Variants in GPSM2 observed in about 807,000 individuals in gnomAD.
The protein encoded by GPSM2 is G protein-signaling modulator 2.
In GPSM2, 58 loss-of-function variants were observed where a neutral mutation model predicts 78.4. The observed-to-expected ratio is 0.74, with a 90% CI of 0.60 to 0.92. The LOEUF is 0.92. Among genes scored for constraint, GPSM2 ranks in the 40% least tolerant of loss-of-function variants. The pLI is 0.00. For synonymous variants in GPSM2, 224 were observed against 280.2 expected, an observed-to-expected ratio of 0.80 and a Z score of 2.00; for missense variants, 700 against 815.5, an observed-to-expected ratio of 0.86 and a Z score of 1.73.
In GPSM2 at chr1:108,931,282, T is replaced by C; in HGVS notation, c.*1342T>C. On this transcript the variant is annotated 3_prime_UTR_variant, in exon 15 of 15. Transcript: ENST00000264126. ...AGAAAGATGTCAGCTAGAACCTTAGTTGTCATTAAGCTTTGTCTTCCTTAT... is the reference window on the plus strand; with the variant it reads ...AGAAAGATGTCAGCTAGAACCTTAGCTGTCATTAAGCTTTGTCTTCCTTAT... The C allele has an allele frequency of 6.6e-7, 1 of 1,511,172 alleles. No individual in the cohort carries two copies. Among genetic ancestry groups the C allele is most frequent in the Non-Finnish European group, 8.9e-7 (1 of 1,127,944 alleles). 93.6% of individuals were successfully genotyped at this position (1,511,172 alleles called of 1,614,324 possible).
At chr1:108,928,462 G>GAGTAT (rs1384599624) in intron 14 of GPSM2, among the ~76,000 whole-genome samples, 3 of 152,224 alleles carry the variant, frequency 2.0e-5, no homozygotes, top group Non-Finnish European at 2.9e-5. Flanking sequence ...GTGTGGAGGT[G>GAGTAT]GCACTCACTT....
At position 108,934,449 on chromosome 1, in the gene GPSM2, G is replaced by A. The variant is rs1652540602; in HGVS notation, c.*4509G>A. The A allele has an allele frequency of 9.5e-6, 5 of 528,042 alleles. No individual in the cohort carries two copies. The highest frequency in any genetic ancestry group is 1.6e-5 in the Non-Finnish European group (5 of 304,266). The allele number at this position is 528,042 out of a possible 1,614,324, so 32.7% of individuals were successfully genotyped here. A position where few individuals can be genotyped will look rare whatever the true frequency, so the allele number is the denominator to read the frequency against. ...ATAAACACTTCTTACTTTATGGGAT[G>A]TAAATATCAAAGAGAAGATGAAATG... On this transcript the variant is annotated 3_prime_UTR_variant, in exon 15 of 15. Transcript: ENST00000264126.
At chr1:108,897,119 C>T (rs775965701) in intron 3 of GPSM2, 34 bp downstream of exon 3, 1 of 1,377,082 alleles carries the variant, frequency 7.3e-7, no homozygotes, top group Non-Finnish European at 1.0e-6. Context: ...ATTCTTCCTT[C>T]TGAAATTAGC....
Position 108,933,781 on chromosome 1 carries a change from G to A in GPSM2, c.*3841G>A, listed in dbSNP as rs984269331. ...TGACTGATGTCCTGTCTGCAGTTAA[G>A]GAAGACACCCAACTCTCTTCTTCCT... is the stretch of plus-strand genomic sequence containing the variant. On this transcript the variant is annotated 3_prime_UTR_variant, in exon 15 of 15. Coordinates refer to ENST00000264126, the MANE Select transcript of GPSM2 (RefSeq NM_013296.5). 1 of 152,172 alleles carries A rather than the reference G, an allele frequency of 6.6e-6. No individual in the cohort carries two copies. Among genetic ancestry groups the A allele is most frequent in the African/African-American group, 2.4e-5 (1 of 41,436 alleles). The allele number at this position is 152,172 out of a possible 1,614,324, so 9.4% of individuals were successfully genotyped here.
chr1:108,901,812 C>T lies in GPSM2; in HGVS notation c.820C>T (p.Gln274Ter), dbSNP rs780078229. 1 of 1,612,100 alleles carries T rather than the reference C, an allele frequency of 6.2e-7. No individual in the cohort carries two copies. The highest frequency in any genetic ancestry group is 1.1e-5 in the South Asian group (1 of 91,038). ...YYKKTLLLAR[Q>*]LKDRAVEAQS... ...TAGGAAGACACTACTGTTGGCCCGA[C>T]AGCTTAAAGACCGAGCTGTAGAAGC... is the stretch of plus-strand genomic sequence containing the variant. The change falls in exon 8 of 15, where the codon CAG (glutamine) becomes TAG (stop). Residue 274 changes from glutamine (Q) to a stop codon, truncating the protein, a stop_gained. Coordinates refer to ENST00000264126, the MANE Select transcript of GPSM2 (RefSeq NM_013296.5). LOFTEE classifies it high-confidence loss of function.
At chr1:108,881,652 GA>G (rs1197660776) in intron 1 of GPSM2, among the ~76,000 whole-genome samples, 1 of 152,152 alleles carries the variant, frequency 6.6e-6, no homozygotes, top group Non-Finnish European at 1.5e-5. Flanking sequence ...TGTAATGTAA[GA>G]GGCACTTTTA....
At chr1:108,917,057 T>C (rs115802289) in intron 11 of GPSM2, among the ~76,000 whole-genome samples, 1 of 152,222 alleles carries the variant, frequency 6.6e-6, no homozygotes. Flanking sequence ...GTATTCTTGT[T>C]TTCAGTATTG....
chr1:108,927,817 T>G (rs1464182809), intron 14 of GPSM2, among the ~76,000 whole-genome samples: 1 of 152,014 alleles, frequency 6.6e-6, no homozygotes, highest in Non-Finnish European at 1.5e-5. Context: ...AAAAAAATTT[T>G]TTTAAATTAA....
At chr1:108,907,257 A>C (rs1326401183) in intron 10 of GPSM2, among the ~76,000 whole-genome samples, 1 of 152,222 alleles carries the variant, frequency 6.6e-6, no homozygotes, top group African/African-American at 2.4e-5. Context: ...CTTCGCTAAA[A>C]ATCTTAATTC....
At chr1:108,882,249 C>T (rs1449789672) in intron 1 of GPSM2, among the ~76,000 whole-genome samples, 1 of 152,140 alleles carries the variant, frequency 6.6e-6, no homozygotes, top group African/African-American at 2.4e-5. Flanking sequence ...CCGGGCCTAC[C>T]TAAGAAAAAT....
intron 2 of GPSM2, among the ~76,000 whole-genome samples, chr1:108,892,481 C>G (rs954478635): frequency 1.3e-5 from 2 of 152,048 alleles, no homozygotes; most frequent in African/African-American, 4.8e-5. Context: ...AATGAAAACA[C>G]GTCAGTTAAG....
At chr1:108,896,506 T>C (rs1487242005) in intron 2 of GPSM2, among the ~76,000 whole-genome samples, 2 of 152,174 alleles carry the variant, frequency 1.3e-5, no homozygotes, top group Non-Finnish European at 2.9e-5. Flanking sequence ...TACATACTCA[T>C]CTTCTCAGAC....
intron 12 of GPSM2, among the ~76,000 whole-genome samples, chr1:108,919,194 G>A (rs1043887468): frequency 6.6e-6 from 1 of 152,078 alleles, no homozygotes; most frequent in African/African-American, 2.4e-5. Context: ...TTTCAGTAGA[G>A]ACGGGGTTTC....
chr1:108,910,629 C>T (rs1649656758), intron 10 of GPSM2, among the ~76,000 whole-genome samples: 3 of 152,252 alleles, frequency 2.0e-5, no homozygotes, highest in Admixed American at 6.5e-5. Context: ...CTTTGGGAGG[C>T]TGAGGCGGGC....
At chr1:108,895,681 T>C (rs1416803492) in intron 2 of GPSM2, among the ~76,000 whole-genome samples, 2 of 152,136 alleles carry the variant, frequency 1.3e-5, no homozygotes, top group South Asian at 2.1e-4. Context: ...GAGGAGACCA[T>C]CTAGTTGCAG....
rs755099047 is a variant in GPSM2 at position 108,924,062 on chromosome 1, C to G, written c.1663C>G (p.Gln555Glu). The G allele has an allele frequency of 3.7e-6, 6 of 1,613,612 alleles. No homozygotes were observed. Among genetic ancestry groups the G allele is most frequent in the Non-Finnish European group, 5.1e-6 (6 of 1,179,568 alleles). The change falls in exon 14 of 15, where the codon CAG (glutamine) becomes GAG (glutamate). Residue 555 changes from glutamine (Q) to glutamate (E), a missense_variant. Physicochemically the swap from Gln to Glu is conservative, Grantham distance 29. Transcript: ENST00000264126. ...DEFLDLLASS[Q>E]SRRLDDQRAS... The stretch of plus-strand genomic sequence containing the variant: ...GTTTTTAGATCTTCTTGCCAGCTCA[C>G]AGAGTCGCCGTCTGGATGACCAGAG...
chr1:108,931,266 T>A lies in GPSM2; in HGVS notation c.*1326T>A. The A allele has an allele frequency of 6.9e-7, 1 of 1,457,144 alleles. No homozygotes were observed. Among genetic ancestry groups the A allele is most frequent in the Non-Finnish European group, 9.1e-7 (1 of 1,099,506 alleles). 90.3% of individuals were successfully genotyped at this position (1,457,144 alleles called of 1,614,324 possible). On this transcript the variant is annotated 3_prime_UTR_variant, in exon 15 of 15. Coordinates refer to ENST00000264126, the MANE Select transcript of GPSM2 (RefSeq NM_013296.5). ...AAAAATTAAATATGAAAGAAAGATG[T>A]CAGCTAGAACCTTAGTTGTCATTAA...
chr1:108,898,758 A>G lies in GPSM2; in HGVS notation c.674A>G (p.His225Arg). 1 of 1,612,002 alleles carries G rather than the reference A, an allele frequency of 6.2e-7. No individual in the cohort carries two copies. Among genetic ancestry groups the G allele is most frequent in the African/African-American group, 1.3e-5 (1 of 75,022 alleles). Residue 225 changes from histidine (H) to arginine (R), a missense_variant, in exon 6 of 15, where the codon CAT (histidine) becomes CGT (arginine). Physicochemically the swap from His to Arg is conservative, Grantham distance 29. Coordinates refer to ENST00000264126, the MANE Select transcript of GPSM2 (RefSeq NM_013296.5). The part of the protein sequence containing the change: ...LGNFRDAVIA[H>R]EQRLLIAKEF... ...AACTTCAGGGATGCAGTTATAGCTC[A>G]TGAGCAGGTACAGTGGAAAGCCTTG...
At chr1:108,898,480 C>T (rs1307275312) in intron 5 of GPSM2, among the ~76,000 whole-genome samples, 162 bp from the exon 6 acceptor site, 1 of 152,192 alleles carries the variant, frequency 6.6e-6, no homozygotes, top group Non-Finnish European at 1.5e-5. Context: ...CCAGCTATTT[C>T]CTATAATTGC....
Sources: gnomAD v4.1 joint callset for allele counts (sites outside exome capture counted in the v4.1 genomes callset) on GRCh38, gnomAD v4.1.1 for gene constraint, MANE v1.5 for transcripts, NCBI Gene and HGNC (gene_info 2026-07-23, HGNC 2026-07-21) for gene names.